The following C8orf34 variants were observed in gnomAD, a reference collection of about 807,000 sequenced individuals.
C8orf34 encodes the protein chromosome 8 open reading frame 34.
A neutral mutation model predicts 68.3 loss-of-function variants in C8orf34; 65 were observed. The observed-to-expected ratio is 0.95, with a 90% confidence interval of 0.78 to 1.17. The LOEUF (loss-of-function observed/expected upper bound fraction) is 1.17. Ranked by LOEUF, C8orf34 falls within the 50% of genes most tolerant of loss-of-function variation. The probability of loss-of-function intolerance (pLI) is 0.00; values close to 1 mark genes in which losing one functional copy is unlikely to be tolerated. For missense variants in C8orf34, 664 were observed against 655.4 expected, an observed-to-expected ratio of 1.01 and a Z score of -0.14; for synonymous variants, 244 against 241.2, an observed-to-expected ratio of 1.01 and a Z score of -0.11.
chr8:68,447,849 A>C, intron 3 of C8orf34: 1 of 152,222 alleles, frequency 6.6e-6, no homozygotes, highest in East Asian at 1.9e-4. Context: ...CTGCTTCATC[A>C]GTTTGGTATA....
chr8:68,520,124 G>T (rs1814688275), intron 5 of C8orf34, among the ~76,000 whole-genome samples: 1 of 152,090 alleles, frequency 6.6e-6, no homozygotes, highest in African/African-American at 2.4e-5. Flanking sequence ...TGATGTGAGG[G>T]ATATAAGTAT....
At chr8:68,617,208 GTACAGCACACTGA>G (rs1563565551) in intron 7 of C8orf34, among the ~76,000 whole-genome samples, 1 of 151,958 alleles carries the variant, frequency 6.6e-6, no homozygotes, top group East Asian at 1.9e-4. Flanking sequence ...GGTTTCCTGA[GTACAGCACACTGA>G]TGGGTCTTGA....
At chr8:68,691,485 A>G (rs1470987129) in intron 8 of C8orf34, among the ~76,000 whole-genome samples, 1 of 152,092 alleles carries the variant, frequency 6.6e-6, no homozygotes, top group African/African-American at 2.4e-5. Flanking sequence ...CATTATCTAC[A>G]AAATATTCCT....
chr8:68,457,029 T>G (rs943005987), intron 3 of C8orf34, among the ~76,000 whole-genome samples: 11 of 152,184 alleles, frequency 7.2e-5, no homozygotes, highest in African/African-American at 2.7e-4. Flanking sequence ...CATTTCAAAT[T>G]TATAATCCAG....
At chr8:68,565,278 T>C (rs1337488132) in intron 7 of C8orf34, among the ~76,000 whole-genome samples, 1 of 152,156 alleles carries the variant, frequency 6.6e-6, no homozygotes, top group Non-Finnish European at 1.5e-5. Flanking sequence ...AGGATGGGCT[T>C]TTGTCAGTGT....
At chr8:68,791,781 G>T (rs183453057) in intron 12 of C8orf34, 1 of 152,166 alleles carries the variant, frequency 6.6e-6, no homozygotes, top group African/African-American at 2.4e-5. Flanking sequence ...CCTTAAGGCA[G>T]GGAGATTGAG....
intron 7 of C8orf34, chr8:68,533,364 G>C: frequency 7.8e-7 from 1 of 1,278,396 alleles, no homozygotes; most frequent in Non-Finnish European, 9.9e-7. Flanking sequence ...ACTGTATTTT[G>C]TGCTTTGTGT....
intron 6 of C8orf34, 107 bp downstream of exon 6, chr8:68,522,078 A>T: frequency 1.0e-6 from 1 of 1,003,350 alleles, no homozygotes; most frequent in South Asian, 1.8e-5. Flanking sequence ...GTAATTTTTT[A>T]TAGAAAATTA....
intron 4 of C8orf34, among the ~76,000 whole-genome samples, chr8:68,474,073 T>C (rs1040025326): frequency 1.3e-5 from 2 of 152,196 alleles, no homozygotes; most frequent in Admixed American, 6.5e-5. Context: ...TTCTTTCAAG[T>C]GCTCTCTCCA....
chr8:68,760,421 A>G (rs1822989518), intron 10 of C8orf34, among the ~76,000 whole-genome samples: 1 of 152,204 alleles, frequency 6.6e-6, no homozygotes, highest in Non-Finnish European at 1.5e-5. Context: ...AGTGTCAGAA[A>G]AAAAGGATTC....
chr8:68,536,833 TA>T, intron 7 of C8orf34, among the ~76,000 whole-genome samples: 1 of 152,250 alleles, frequency 6.6e-6, no homozygotes, highest in Non-Finnish European at 1.5e-5. Context: ...AAATCAAAAG[TA>T]AAATTACATT....
chr8:68,527,172 G>C (rs941695426), intron 6 of C8orf34, among the ~76,000 whole-genome samples: 1 of 152,074 alleles, frequency 6.6e-6, no homozygotes, highest in African/African-American at 2.4e-5. Flanking sequence ...CACATGTCCA[G>C]GATGCCCCCT....
At chr8:68,403,058 T>TG (rs1809028311) in intron 1 of C8orf34, among the ~76,000 whole-genome samples, 1 of 152,216 alleles carries the variant, frequency 6.6e-6, no homozygotes, top group African/African-American at 2.4e-5. Context: ...CATGCAGTGC[T>TG]GTGCTTCCAA....
chr8:68,731,380 A>C (rs554181435), intron 10 of C8orf34, among the ~76,000 whole-genome samples: 214 of 152,320 alleles, frequency 1.4e-3, no homozygotes, highest in African/African-American at 4.1e-3. Context: ...CCAAAAAAAT[A>C]CTTTATATTC....
chr8:68,400,268 T>C (rs908175872), intron 1 of C8orf34, among the ~76,000 whole-genome samples: 1 of 152,170 alleles, frequency 6.6e-6, no homozygotes, highest in East Asian at 1.9e-4. Flanking sequence ...GAGTTTTCCC[T>C]AGGCTTTCTT....
intron 7 of C8orf34, among the ~76,000 whole-genome samples, chr8:68,595,267 T>G (rs1171932008): frequency 1.3e-5 from 2 of 152,048 alleles, no homozygotes; most frequent in Non-Finnish European, 1.5e-5. Flanking sequence ...TTCAAAGTTG[T>G]TGATCTTTAA....
chr8:68,449,532 G>T (rs1184378861), intron 3 of C8orf34, among the ~76,000 whole-genome samples: 1 of 151,996 alleles, frequency 6.6e-6, no homozygotes, highest in Non-Finnish European at 1.5e-5. Context: ...TGTGGGTTCA[G>T]TTCCAGGCCA....
At chr8:68,668,071 A>G (rs949860073) in intron 8 of C8orf34, among the ~76,000 whole-genome samples, 4 of 152,190 alleles carry the variant, frequency 2.6e-5, no homozygotes, top group Admixed American at 2.6e-4. Context: ...AGAAAATAAT[A>G]TAGATATTAA....
intron 8 of C8orf34, among the ~76,000 whole-genome samples, chr8:68,707,966 A>T (rs1247430992): frequency 3.9e-5 from 6 of 152,318 alleles, no homozygotes; most frequent in African/African-American, 1.4e-4. Flanking sequence ...AAAAGGAAAT[A>T]GTAGAGAATA....
Sources: allele counts gnomAD v4.1 joint callset (sites outside exome capture counted in the v4.1 genomes callset), GRCh38; gene constraint gnomAD v4.1.1; transcripts MANE v1.5; gene names NCBI Gene and HGNC (gene_info 2026-07-23, HGNC 2026-07-21).